ADCY8: variants seen among roughly 807,000 people sequenced by gnomAD.
The protein encoded by ADCY8 is adenylate cyclase 8, also known as adenylate cyclase type 8.
A neutral mutation model predicts 119.7 loss-of-function variants in ADCY8; 51 were observed. The observed-to-expected ratio is 0.43, with a 90% CI of 0.34 to 0.54. ADCY8 has a LOEUF of 0.54. ADCY8 is among the 20% of genes least tolerant of loss of function. ADCY8 has a pLI of 0.03. For synonymous variants in ADCY8, 665 were observed against 651.0 expected (o/e 1.02, Z -0.33); for missense variants, 1,383 against 1,598.8 (o/e 0.87, Z 2.30).
At chr8:130,825,510 G>T (rs1419613634) in intron 12 of ADCY8, among the ~76,000 whole-genome samples, 1 of 152,134 alleles carries the variant, frequency 6.6e-6, no homozygotes, top group Non-Finnish European at 1.5e-5. Flanking sequence ...CCTGTGATTT[G>T]TATTCATATT....
chr8:131,005,637 C>T (rs1396302186), intron 1 of ADCY8, among the ~76,000 whole-genome samples: 1 of 152,202 alleles, frequency 6.6e-6, no homozygotes, highest in Non-Finnish European at 1.5e-5. Flanking sequence ...TTTGCCATGG[C>T]TAGCCGAAGA....
Position 130,804,734 on chromosome 8 carries a change from C to T in ADCY8, c.2914-4162G>A, listed in dbSNP as rs114738488. Among the ~76,000 whole-genome samples, 350 of 152,138 alleles carry T rather than the reference C, an allele frequency of 2.3e-3. 2 individuals are homozygous for T. Among genetic ancestry groups the T allele is most frequent in the African/African-American group, 8.0e-3 (333 of 41,480 alleles). ...CCCTGAATATTCTAATGAATGCCAG[C>T]TCCTCTCACACTCTTTTGTTTTTGT... On this transcript the variant is annotated intron_variant, in intron 14 of 17. Transcript: ENST00000286355.
intron 9 of ADCY8, 119 bp from the exon 10 acceptor site, chr8:130,849,922 T>C (rs907489976): frequency 6.8e-6 from 7 of 1,026,956 alleles, no homozygotes; most frequent in Non-Finnish European, 1.0e-5. Context: ...AAGTTCTGTT[T>C]GTCCAAGAAA....
chr8:130,985,845 C>T (rs1470579494), intron 2 of ADCY8, among the ~76,000 whole-genome samples: 12 of 152,154 alleles, frequency 7.9e-5, no homozygotes, highest in Non-Finnish European at 1.5e-4. Context: ...AACAGAATTG[C>T]TTTAATACAG....
At chr8:130,813,836 C>T (rs1051337252) in intron 14 of ADCY8, among the ~76,000 whole-genome samples, 1 of 152,050 alleles carries the variant, frequency 6.6e-6, no homozygotes, top group African/African-American at 2.4e-5. Context: ...TATGCACATA[C>T]AACTTTAAAA....
At chr8:130,959,255 T>C (rs1244726391) in intron 2 of ADCY8, among the ~76,000 whole-genome samples, 1 of 152,228 alleles carries the variant, frequency 6.6e-6, no homozygotes, top group African/African-American at 2.4e-5. Context: ...GACATTGGAA[T>C]TGTCTACCTT....
chr8:130,846,202 G>A (rs1163348315), intron 11 of ADCY8, among the ~76,000 whole-genome samples: 2 of 152,004 alleles, frequency 1.3e-5, no homozygotes, highest in African/African-American at 4.8e-5. Context: ...AATCTACCCA[G>A]AGTCCTAGGT....
At chr8:130,926,940 CATATAT>C (rs10572208) in intron 5 of ADCY8, among the ~76,000 whole-genome samples, 3 of 145,062 alleles carry the variant, frequency 2.1e-5, no homozygotes, top group Admixed American at 6.8e-5. Context: ...TATTCCATTA[CATATAT>C]ATATATATAT....
chr8:130,810,848 C>T lies in ADCY8; in HGVS notation c.2913+3221G>A, dbSNP rs184742160. ...GCTGATGACCTGGAGTCTCAGCATG[C>T]GTCTCTGGTTGGTTTCCTTCCTTTC... On this transcript the variant is annotated intron_variant, in intron 14 of 17. Transcript: ENST00000286355. Among the ~76,000 whole-genome samples, 5 of 152,298 alleles carry T rather than the reference C, an allele frequency of 3.3e-5. No individual in the cohort carries two copies. The East Asian group carries it at 5.8e-4, about 18-fold the overall frequency.
intron 1 of ADCY8, among the ~76,000 whole-genome samples, chr8:130,997,473 C>A (rs570311484): frequency 1.5e-4 from 23 of 152,150 alleles, no homozygotes; most frequent in Non-Finnish European, 4.4e-5. Flanking sequence ...TTTGCAGATT[C>A]CAAAAGAGAT....
At chr8:130,907,923 T>C (rs1819844008) in intron 6 of ADCY8, among the ~76,000 whole-genome samples, 1 of 152,148 alleles carries the variant, frequency 6.6e-6, no homozygotes, top group South Asian at 2.1e-4. Context: ...CAGGCCCCAG[T>C]GTCTATTCTC....
intron 5 of ADCY8, among the ~76,000 whole-genome samples, chr8:130,922,204 C>T (rs1230564862): frequency 2.0e-5 from 3 of 149,810 alleles, no homozygotes; most frequent in Non-Finnish European, 3.0e-5. Flanking sequence ...AATAAATTCC[C>T]TTTCTTTTTT....
At chr8:131,006,412 G>GA (rs1216793613) in intron 1 of ADCY8, among the ~76,000 whole-genome samples, 5 of 152,080 alleles carry the variant, frequency 3.3e-5, no homozygotes, top group South Asian at 2.1e-4. Flanking sequence ...TGGCTCAAGG[G>GA]AAAAAATCAT....
rs565713475 is a variant in ADCY8, at chr8:130,807,721, A to G, written c.2913+6348T>C. ...CCAGTATCGCCGGGCGCGGTGGCTCATGCCTGTAATCCCAGCACTTTGGGA... is the reference window on the plus strand; with the variant it reads ...CCAGTATCGCCGGGCGCGGTGGCTCGTGCCTGTAATCCCAGCACTTTGGGA... On this transcript the variant is annotated intron_variant, in intron 14 of 17. Coordinates refer to ENST00000286355, the MANE Select transcript of ADCY8 (RefSeq NM_001115.3). Among the ~76,000 whole-genome samples the G allele has an allele frequency of 2.2e-3, 341 of 152,158 alleles. 1 individual carries two copies. Among genetic ancestry groups the G allele is most frequent in the African/African-American group, 7.9e-3 (327 of 41,542 alleles).
chr8:131,039,893 A>G lies in ADCY8; in HGVS notation c.441T>C (p.Tyr147=), dbSNP rs1824310253. 1 of 1,613,758 alleles carries G rather than the reference A, an allele frequency of 6.2e-7. No homozygotes were observed. The highest frequency in any genetic ancestry group is 8.5e-7 in the Non-Finnish European group (1 of 1,179,794). ...TGGGGAAAATGACCCCTCGGTAGCT[A>G]TAGCCCCCATTAAGAAAGAAATCCG... is the stretch of plus-strand genomic sequence containing the variant. The part of the protein sequence containing the change: ...SNSDFFLNGG[Y]SYRGVIFPTL... The change falls in exon 1 of 18, where the codon TAT becomes TAC. Residue 147 remains tyrosine (Y), a synonymous_variant. Coordinates refer to ENST00000286355, the MANE Select transcript of ADCY8 (RefSeq NM_001115.3).
intron 2 of ADCY8, among the ~76,000 whole-genome samples, chr8:130,973,038 GA>G (rs540513709): frequency 6.6e-5 from 10 of 151,892 alleles, no homozygotes; most frequent in Non-Finnish European, 1.5e-4. Context: ...ACATGAAACA[GA>G]AAAAAAGGCT....
intron 14 of ADCY8, among the ~76,000 whole-genome samples, chr8:130,806,785 T>C (rs1679873696): frequency 6.6e-6 from 1 of 152,184 alleles, no homozygotes; most frequent in Admixed American, 6.5e-5. Context: ...CCTGGGTGCC[T>C]GAGGGCCTAG....
intron 2 of ADCY8, among the ~76,000 whole-genome samples, chr8:130,968,166 T>A (rs1286381457): frequency 6.6e-6 from 1 of 151,256 alleles, no homozygotes; most frequent in Non-Finnish European, 1.5e-5. Flanking sequence ...TGACTAAAAG[T>A]TATTCTGCTT....
At chr8:131,039,242 G>C in intron 1 of ADCY8, 132 bp downstream of exon 1, 1 of 1,294,464 alleles carries the variant, frequency 7.7e-7, no homozygotes, top group Non-Finnish European at 1.1e-6. Flanking sequence ...AGACCTCCTA[G>C]GTACAAGGCA....
Sources: allele counts gnomAD v4.1 joint callset (sites outside exome capture counted in the v4.1 genomes callset), GRCh38; gene constraint gnomAD v4.1.1; transcripts MANE v1.5; gene names NCBI Gene and HGNC (gene_info 2026-07-23, HGNC 2026-07-21).